Variants in JADE3 observed in about 807,000 individuals in gnomAD.
JADE3 encodes the protein jade family PHD finger 3.
In JADE3, 2 loss-of-function variants were observed where a neutral mutation model predicts 50.1. The observed-to-expected ratio is 0.04, with a 90% CI of 0.02 to 0.13. The LOEUF is 0.13. JADE3 is among the 10% of genes least tolerant of loss of function. The probability of loss-of-function intolerance (pLI) is 1.00; values close to 1 mark genes in which losing one functional copy is unlikely to be tolerated. For missense variants in JADE3, 475 were observed against 634.4 expected (o/e 0.75, Z 2.70); for synonymous variants, 218 against 232.9 (o/e 0.94, Z 0.58).
intron 1 of JADE3, among the ~76,000 whole-genome samples, chrX:46,943,888 A>G (rs1400033649): frequency 1.8e-5 from 2 of 111,278 alleles, no homozygotes; most frequent in African/African-American, 6.5e-5. Context: ...ATTTAGTTTT[A>G]GAACTTGATC....
At chrX:47,050,825 C>T (rs1258325950) in intron 8 of JADE3, among the ~76,000 whole-genome samples, 1 of 112,028 alleles carries the variant, frequency 8.9e-6, no homozygotes, top group Non-Finnish European at 1.9e-5. Context: ...ATATCTTTAA[C>T]AGTTATTAAA....
intron 4 of JADE3, among the ~76,000 whole-genome samples, chrX:47,023,198 C>T (rs1481713253): frequency 9.0e-6 from 1 of 111,180 alleles, no homozygotes; most frequent in Non-Finnish European, 1.9e-5. Flanking sequence ...TGGTCGTTTG[C>T]TGCACAAATC....
At chrX:46,933,955 C>G (rs1926551428) in intron 1 of JADE3, among the ~76,000 whole-genome samples, 1 of 110,433 alleles carries the variant, frequency 9.1e-6, no homozygotes, top group Non-Finnish European at 1.9e-5. Flanking sequence ...AGTATTAGTT[C>G]AGAGAAGTAT....
At chrX:46,923,254 A>T (rs1926264485) in intron 1 of JADE3, among the ~76,000 whole-genome samples, 1 of 108,402 alleles carries the variant, frequency 9.2e-6, no homozygotes, top group Non-Finnish European at 1.9e-5. Flanking sequence ...GGTTCAGGTG[A>T]TCTGCCCGCC....
At chrX:47,052,178 A>G (rs1280982037) in intron 8 of JADE3, among the ~76,000 whole-genome samples, 1 of 111,159 alleles carries the variant, frequency 9.0e-6, no homozygotes, top group African/African-American at 3.3e-5. Context: ...GCACAGGAGT[A>G]TAGTAGTCAT....
At chrX:46,975,323 G>A (rs192779290) in intron 1 of JADE3, among the ~76,000 whole-genome samples, 34 of 111,902 alleles carry the variant, frequency 3.0e-4, no homozygotes, top group African/African-American at 9.7e-4. Context: ...TATTTTTTCC[G>A]GTTGTAAACG....
At chrX:47,020,669 G>A (rs978512783) in intron 4 of JADE3, among the ~76,000 whole-genome samples, 14 of 112,204 alleles carry the variant, frequency 1.2e-4, no homozygotes, top group South Asian at 1.1e-3. Flanking sequence ...CAAGATACAC[G>A]AGGAAAGATG....
intron 1 of JADE3, among the ~76,000 whole-genome samples, chrX:46,934,348 G>T (rs1556340456): frequency 9.2e-6 from 1 of 108,628 alleles, no homozygotes; most frequent in Non-Finnish European, 1.9e-5. Context: ...ACCCAGGCTG[G>T]AGTACAGTGG....
chrX:46,937,574 G>T (rs1215016203), intron 1 of JADE3, among the ~76,000 whole-genome samples: 1 of 112,284 alleles, frequency 8.9e-6, no homozygotes, highest in Non-Finnish European at 1.9e-5. Flanking sequence ...AAACACTATT[G>T]TAAATGTTTA....
At chrX:46,966,265 C>T (rs974592604) in intron 1 of JADE3, among the ~76,000 whole-genome samples, 6 of 112,056 alleles carry the variant, frequency 5.4e-5, no homozygotes, top group Admixed American at 1.9e-4. Context: ...CAGTGTTGAT[C>T]GTCTTCCAGC....
At chrX:46,941,732 C>T (rs1926764094) in intron 1 of JADE3, among the ~76,000 whole-genome samples, 1 of 38,192 alleles carries the variant, frequency 2.6e-5, no homozygotes, top group Admixed American at 3.0e-4. Flanking sequence ...TGTCCTTTGC[C>T]CACATTTTTT....
chrX:47,012,484 C>T (rs782499233), intron 4 of JADE3, among the ~76,000 whole-genome samples: 4 of 110,767 alleles, frequency 3.6e-5, no homozygotes, highest in East Asian at 2.8e-4. Flanking sequence ...AAGAGACTTA[C>T]GTGGAAGGAT....
chrX:47,003,587 A>T (rs983068862), intron 4 of JADE3, among the ~76,000 whole-genome samples: 36 of 102,804 alleles, frequency 3.5e-4, no homozygotes, highest in African/African-American at 4.5e-4. Context: ...TATATATATA[A>T]AAATAATTAT....
rs782419996 is a variant in JADE3 at position 46,931,708 on chromosome X, G to A, written c.-12+18989G>A. On this transcript the variant is annotated intron_variant, in intron 1 of 10. Transcript: ENST00000614628. ...CAAAGTGCTGCGATTACAGGCATGAGCCACTACGCCCAGCCTATATAAATT... is the reference window on the plus strand; with the variant it reads ...CAAAGTGCTGCGATTACAGGCATGAACCACTACGCCCAGCCTATATAAATT... Among the ~76,000 whole-genome samples, 3 of 111,962 alleles carry A rather than the reference G, an allele frequency of 2.7e-5. No individual in the cohort carries two copies. In the East Asian group the frequency reaches 8.3e-4, roughly 31 times the overall value.
intron 1 of JADE3, among the ~76,000 whole-genome samples, chrX:46,932,240 C>G (rs927939129): frequency 3.6e-5 from 4 of 111,984 alleles, no homozygotes; most frequent in Non-Finnish European, 7.5e-5. Context: ...ACTTAGTTCT[C>G]TAGGGGATTG....
intron 1 of JADE3, among the ~76,000 whole-genome samples, chrX:46,971,467 TAA>T (rs1322596991): frequency 9.1e-6 from 1 of 109,901 alleles, no homozygotes; most frequent in Admixed American, 9.7e-5. Context: ...GCAAAATTTT[TAA>T]AAGTTATTGG....
At chrX:46,916,141 A>G (rs1556336288) in intron 1 of JADE3, among the ~76,000 whole-genome samples, 2 of 112,108 alleles carry the variant, frequency 1.8e-5, no homozygotes, top group African/African-American at 3.2e-5. Flanking sequence ...GTGTGTTGGA[A>G]TCTTCTGGGA....
chrX:47,014,893 A>G (rs1202056302), intron 4 of JADE3, among the ~76,000 whole-genome samples: 1 of 112,514 alleles, frequency 8.9e-6, no homozygotes, highest in Admixed American at 9.5e-5. Context: ...GTTTAAATAA[A>G]TGTAAGTGTT....
At chrX:46,985,917 G>A (rs147415522) in intron 3 of JADE3, 125 bp downstream of exon 3, 126 of 492,865 alleles carry the variant, frequency 2.6e-4, no homozygotes, top group African/African-American at 2.4e-3. Flanking sequence ...TTGGATCATG[G>A]GAATATATCC....
Sources: allele counts gnomAD v4.1 joint callset (sites outside exome capture counted in the v4.1 genomes callset), GRCh38; gene constraint gnomAD v4.1.1; transcripts MANE v1.5; gene names NCBI Gene and HGNC (gene_info 2026-07-23, HGNC 2026-07-21).